The following SLC13A3 variants were observed in gnomAD, a reference collection of about 807,000 sequenced individuals.
SLC13A3 encodes solute carrier family 13 member 3, also known as Na(+)/dicarboxylate cotransporter 3.
In SLC13A3, 40 loss-of-function variants were observed where a neutral mutation model predicts 59.0. That is an observed-to-expected ratio of 0.68 (90% CI 0.53 to 0.88). SLC13A3 has a LOEUF of 0.88. SLC13A3 is among the 40% of genes least tolerant of loss of function. The probability of loss-of-function intolerance (pLI) is 0.00; values close to 1 mark genes in which losing one functional copy is unlikely to be tolerated. For missense variants in SLC13A3, 699 were observed against 783.2 expected (o/e 0.89, Z 1.28); for synonymous variants, 317 against 330.3 (o/e 0.96, Z 0.44).
intron 1 of SLC13A3, among the ~76,000 whole-genome samples, chr20:46,618,837 G>A (rs1358610156): frequency 2.0e-5 from 3 of 152,176 alleles, no homozygotes; most frequent in Admixed American, 6.5e-5. Flanking sequence ...CACCAGTGAC[G>A]TCTTCAGATT....
chr20:46,612,542 G>A (rs1029167572), intron 2 of SLC13A3, among the ~76,000 whole-genome samples: 2 of 151,984 alleles, frequency 1.3e-5, no homozygotes, highest in East Asian at 3.9e-4. Flanking sequence ...CCTATCACTC[G>A]GTCTTGCCGT....
At chr20:46,634,346 T>C (rs1418147948) in intron 1 of SLC13A3, among the ~76,000 whole-genome samples, 2 of 152,116 alleles carry the variant, frequency 1.3e-5, no homozygotes, top group African/African-American at 2.4e-5. Flanking sequence ...CAGATGGAAG[T>C]AGTTGAGGCC....
At position 46,659,639 on chromosome 20, in the gene SLC13A3, C is replaced by T. The variant is rs116582789; in HGVS notation, c.-31+10404G>A. ...CTGAGGTGGGAGGATAGCTCGAGCC[C>T]GGGGAGGTGGAGGTTGCAGTGAGCT... On this transcript the variant is annotated intron_variant, in intron 1 of 12. Coordinates refer to the SLC13A3 transcript ENST00000290317. 3.6e-3 allele frequency among the ~76,000 whole-genome samples: 535 copies of T among 150,424 alleles called. 3 individuals are homozygous for T. Among genetic ancestry groups the T allele is most frequent in the African/African-American group, 0.012 (490 of 40,670 alleles).
intron 1 of SLC13A3, among the ~76,000 whole-genome samples, chr20:46,666,632 T>C (rs1160198415): frequency 6.6e-6 from 1 of 151,936 alleles, no homozygotes. Flanking sequence ...GCATCCTGAG[T>C]AGCTGTAACT....
intron 10 of SLC13A3, among the ~76,000 whole-genome samples, chr20:46,569,905 C>G (rs1444393989): frequency 2.0e-5 from 3 of 152,126 alleles, no homozygotes; most frequent in Non-Finnish European, 2.9e-5. Flanking sequence ...TTTGTTATGG[C>G]ATAAGTTCAA....
intron 1 of SLC13A3, among the ~76,000 whole-genome samples, chr20:46,684,086 C>G (rs1294445884): frequency 6.6e-6 from 1 of 152,210 alleles, no homozygotes; most frequent in East Asian, 1.9e-4. Flanking sequence ...TGCTCCTCCC[C>G]CTTGCTCACT....
At chr20:46,677,520 G>C (rs2063133165) in intron 1 of SLC13A3, among the ~76,000 whole-genome samples, 2 of 152,190 alleles carry the variant, frequency 1.3e-5, no homozygotes, top group South Asian at 4.1e-4. Context: ...CCCCAGGTTT[G>C]GGGTGAAGTT....
At chr20:46,589,759 CT>C (rs778962036) in intron 6 of SLC13A3, among the ~76,000 whole-genome samples, 29 of 152,256 alleles carry the variant, frequency 1.9e-4, no homozygotes, top group Admixed American at 5.2e-4. Flanking sequence ...AAGGAATAGC[CT>C]TTCAACAAAT....
intron 6 of SLC13A3, among the ~76,000 whole-genome samples, chr20:46,590,181 G>T (rs1369433170): frequency 6.6e-6 from 1 of 152,004 alleles, no homozygotes; most frequent in South Asian, 2.1e-4. Context: ...TGTACCATAA[G>T]GATGAACTCC....
intron 9 of SLC13A3, among the ~76,000 whole-genome samples, chr20:46,578,268 C>T (rs995847865): frequency 6.6e-6 from 1 of 151,986 alleles, no homozygotes; most frequent in African/African-American, 2.4e-5. Context: ...ATATTGAGTA[C>T]CTGCCATGTG....
At chr20:46,674,797 G>T (rs1267986473), upstream of SLC13A3, among the ~76,000 whole-genome samples, 3 of 152,110 alleles carry the variant, frequency 2.0e-5, no homozygotes, top group Admixed American at 2.0e-4. Flanking sequence ...TAGGGCTAGA[G>T]CAGTGAACCA....
intron 8 of SLC13A3, among the ~76,000 whole-genome samples, chr20:46,586,608 A>T (rs2062195194): frequency 6.6e-6 from 1 of 152,188 alleles, no homozygotes. Context: ...AGTCCAAAAT[A>T]GAATTATGAA....
chr20:46,620,361 A>G (rs1299911239), intron 1 of SLC13A3, among the ~76,000 whole-genome samples: 1 of 152,236 alleles, frequency 6.6e-6, no homozygotes, highest in East Asian at 1.9e-4. Context: ...AAATTTTTGC[A>G]CCAAAATAAA....
chr20:46,568,228 T>A (rs1600496357), intron 10 of SLC13A3, among the ~76,000 whole-genome samples: 1 of 150,896 alleles, frequency 6.6e-6, no homozygotes, highest in East Asian at 2.0e-4. Context: ...ACCCCATCTC[T>A]ACTAAAAAAA....
At chr20:46,681,210 T>C (rs148880957) in intron 1 of SLC13A3, among the ~76,000 whole-genome samples, 30 of 152,276 alleles carry the variant, frequency 2.0e-4, no homozygotes, top group Non-Finnish European at 3.1e-4. Flanking sequence ...GAAGAGAGAA[T>C]GGATGAAAAC....
At chr20:46,581,126 G>T (rs188673382) in intron 9 of SLC13A3, among the ~76,000 whole-genome samples, 209 of 152,300 alleles carry the variant, frequency 1.4e-3, no homozygotes, top group African/African-American at 4.7e-3. Context: ...AAAACCACTG[G>T]CTTGCCCTGG....
At chr20:46,672,132 G>A (rs904544170), upstream of SLC13A3, among the ~76,000 whole-genome samples, 2 of 152,232 alleles carry the variant, frequency 1.3e-5, no homozygotes, top group African/African-American at 2.4e-5. Flanking sequence ...GGAAAGCGTG[G>A]CTTTGAGCTT....
chr20:46,565,657 G>A (rs1317548095), intron 11 of SLC13A3, among the ~76,000 whole-genome samples: 1 of 152,196 alleles, frequency 6.6e-6, no homozygotes, highest in African/African-American at 2.4e-5. Context: ...GGAGTCATCA[G>A]CTGGGTAGGG....
intron 1 of SLC13A3, among the ~76,000 whole-genome samples, chr20:46,650,165 T>A (rs891230390): frequency 2.0e-5 from 3 of 152,168 alleles, no homozygotes; most frequent in Admixed American, 2.0e-4. Flanking sequence ...TACCATCTCC[T>A]TCCAGCCCCC....
Sources: allele counts gnomAD v4.1 joint callset (sites outside exome capture counted in the v4.1 genomes callset), GRCh38; gene constraint gnomAD v4.1.1; transcripts MANE v1.5; gene names NCBI Gene and HGNC (gene_info 2026-07-23, HGNC 2026-07-21).